Variants in LIMCH1 observed in about 807,000 individuals in gnomAD.
LIMCH1 encodes the protein LIM and calponin homology domains 1.
A neutral mutation model predicts 176.5 loss-of-function variants in LIMCH1; 113 were observed. The ratio of observed to expected loss-of-function variants is 0.64; its 90% CI spans 0.55 to 0.75. The LOEUF (loss-of-function observed/expected upper bound fraction) is 0.75. LIMCH1 is among the 30% of genes least tolerant of loss of function. The pLI is 0.00. For missense variants in LIMCH1, 1,674 were observed against 1,814.9 expected (o/e 0.92, Z 1.41); for synonymous variants, 619 against 645.9 (o/e 0.96, Z 0.63).
chr4:41,438,376 CT>C (rs540920543), intron 1 of LIMCH1, among the ~76,000 whole-genome samples: 144 of 146,624 alleles, frequency 9.8e-4, no homozygotes, highest in Non-Finnish European at 9.1e-4. Context: ...CTTTTCTTTT[CT>C]TTTTTTTTTT....
chr4:41,408,138 G>C lies in LIMCH1; in HGVS notation c.96+47202G>C, dbSNP rs141326079. On this transcript the variant is annotated intron_variant, in intron 1 of 26. Transcript: ENST00000313860. ...TATCAGACAGATTTATTTATGGAAGGCAGCAAAGTGAACAAGGGCAAAGGC... is the reference window on the plus strand; with the variant it reads ...TATCAGACAGATTTATTTATGGAAGCCAGCAAAGTGAACAAGGGCAAAGGC... Among the ~76,000 whole-genome samples, 426 of 152,220 alleles carry C rather than the reference G, an allele frequency of 2.8e-3. 2 individuals carry two copies. Among genetic ancestry groups the C allele is most frequent in the African/African-American group, 9.7e-3 (401 of 41,544 alleles).
chr4:41,599,100 A>G (rs2089459203), intron 2 of LIMCH1, 74 bp downstream of exon 2: 1 of 849,846 alleles, frequency 1.2e-6, no homozygotes, highest in Non-Finnish European at 2.0e-6. Context: ...TGATGTTGTA[A>G]GTTCTAAGAG....
Position 41,629,476 on chromosome 4 carries a change from C to T in LIMCH1, c.1029-16C>T, listed in dbSNP as rs192663945. The T allele has an allele frequency of 4.5e-3, 6,867 of 1,535,242 alleles. 22 individuals carry two copies. Among genetic ancestry groups the T allele is most frequent in the Non-Finnish European group, 5.0e-3 (5,727 of 1,146,474 alleles). On this transcript the variant is annotated splice_polypyrimidine_tract_variant and intron_variant, in intron 8 of 31. Transcript: ENST00000503057. ...TGATTTTTCCATTGGTGTGGGGGCC[C>T]GGATCAAATGGACAGAAACCAGGGC...
intron 2 of LIMCH1, among the ~76,000 whole-genome samples, chr4:41,517,952 A>G (rs1561610069): frequency 1.3e-5 from 2 of 152,218 alleles, no homozygotes; most frequent in East Asian, 3.9e-4. Flanking sequence ...ATAGTTGCCT[A>G]TTGCAGCTGT....
intron 18 of LIMCH1, among the ~76,000 whole-genome samples, chr4:41,659,889 A>T (rs756463254): frequency 1.3e-5 from 2 of 152,124 alleles, no homozygotes; most frequent in Non-Finnish European, 2.9e-5. Context: ...TTCTAGAGTC[A>T]ATTGGCTCCC....
intron 4 of LIMCH1, among the ~76,000 whole-genome samples, chr4:41,606,924 G>A (rs778513296): frequency 3.3e-5 from 5 of 152,092 alleles, no homozygotes; most frequent in African/African-American, 4.8e-5. Context: ...TCAGTCTCCC[G>A]AGTAGCTGGG....
chr4:41,524,596 G>T (rs141345808), intron 3 of LIMCH1: 2 of 771,404 alleles, frequency 2.6e-6, no homozygotes, highest in Non-Finnish European at 4.6e-6. Flanking sequence ...GAATGAGAAC[G>T]CATTGAATCC....
intron 17 of LIMCH1, among the ~76,000 whole-genome samples, chr4:41,650,178 A>G (rs2094229703): frequency 6.6e-6 from 1 of 152,228 alleles, no homozygotes; most frequent in Non-Finnish European, 1.5e-5. Flanking sequence ...GAAGTGGCCC[A>G]AGCAGGCCAA....
At position 41,682,672 on chromosome 4, in the gene LIMCH1, C is replaced by CTTTTTTTTTTTTTTTTTTTTTTTT. The variant is rs1479823691; in HGVS notation, c.3845+214_3845+215insTTTTTTTTTTTTTTTTTTTTTTTT. Among the ~76,000 whole-genome samples, 3 of 139,932 alleles carry CTTTTTTTTTTTTTTTTTTTTTTTT rather than the reference C, an allele frequency of 2.1e-5. 1 individual carries two copies. 91.8% of individuals were successfully genotyped at this position (139,932 alleles called of 152,430 possible). ...TATAAATAGCCTTATTTTTTTTCTT[C>CTTTTTTTTTTTTTTTTTTTTTTTT]TTCTTCTTTTTTTTTTTTTTGCTTG... On this transcript the variant is annotated intron_variant, in intron 26 of 31. Transcript: ENST00000503057.
At chr4:41,390,269 A>AGAGAGAGAGAGAGAGAGAGC (rs760332127) in intron 1 of LIMCH1, among the ~76,000 whole-genome samples, 70 of 150,406 alleles carry the variant, frequency 4.7e-4, no homozygotes, top group African/African-American at 1.6e-3. Context: ...AGAGAGAGAG[A>AGAGAGAGAGAGAGAGAGAGC]GAGAGCGAGA....
At chr4:41,403,205 G>A (rs966032832) in intron 1 of LIMCH1, among the ~76,000 whole-genome samples, 30 of 152,030 alleles carry the variant, frequency 2.0e-4, no homozygotes, top group African/African-American at 7.2e-4. Context: ...ATTTCTCCTG[G>A]GGGTGGTGGG....
At chr4:41,531,476 A>C (rs10009623) in intron 3 of LIMCH1, among the ~76,000 whole-genome samples, 1 of 126,840 alleles carries the variant, frequency 7.9e-6, no homozygotes, top group African/African-American at 3.1e-5. Context: ...TTTCTCTGTC[A>C]CACACACACA....
At chr4:41,435,508 A>G (rs1582124970) in intron 1 of LIMCH1, among the ~76,000 whole-genome samples, 1 of 152,240 alleles carries the variant, frequency 6.6e-6, no homozygotes, top group East Asian at 1.9e-4. Context: ...TAGAGCAGCC[A>G]CAGGAAACTA....
chr4:41,536,038 C>G (rs2077904841), upstream of LIMCH1, among the ~76,000 whole-genome samples: 1 of 152,176 alleles, frequency 6.6e-6, no homozygotes, highest in African/African-American at 2.4e-5. Flanking sequence ...AATAGACCTT[C>G]AATTACAAAC....
At chr4:41,367,627 T>G (rs2154094342) in intron 1 of LIMCH1, among the ~76,000 whole-genome samples, 2 of 146,892 alleles carry the variant, frequency 1.4e-5, no homozygotes, top group African/African-American at 5.1e-5. Flanking sequence ...GATCATGAGG[T>G]TTGGAGATCC....
intron 1 of LIMCH1, among the ~76,000 whole-genome samples, chr4:41,369,971 T>TA (rs1241754263): frequency 6.6e-6 from 1 of 151,736 alleles, no homozygotes; most frequent in African/African-American, 2.4e-5. Flanking sequence ...TTGTAGTGAT[T>TA]AAAAAAAGCA....
intron 1 of LIMCH1, among the ~76,000 whole-genome samples, chr4:41,401,475 A>C (rs539117438): frequency 1.3e-5 from 2 of 152,140 alleles, no homozygotes; most frequent in Non-Finnish European, 2.9e-5. Flanking sequence ...TGATGCCTCC[A>C]GCTTTGTTCT....
Position 41,445,331 on chromosome 4 carries a change from C to A in LIMCH1, c.97-49205C>A, listed in dbSNP as rs565936503. ...CATTCTTTATTAAACGTGTAGGAAG[C>A]CTATTTATATCTCAAACCTCTGATT... On this transcript the variant is annotated intron_variant, in intron 1 of 26. Transcript: ENST00000313860. Among the ~76,000 whole-genome samples the A allele has an allele frequency of 5.3e-5, 8 of 152,220 alleles. No individual in the cohort carries two copies. The East Asian group carries it at 1.2e-3, about 22-fold the overall frequency.
At chr4:41,467,312 C>T (rs1019577856) in intron 1 of LIMCH1, among the ~76,000 whole-genome samples, 5 of 152,068 alleles carry the variant, frequency 3.3e-5, no homozygotes, top group East Asian at 1.9e-4. Context: ...CTCTTTGAGT[C>T]TATTAAATGT....
Sources: gnomAD v4.1 joint callset for allele counts (sites outside exome capture counted in the v4.1 genomes callset) on GRCh38, gnomAD v4.1.1 for gene constraint, MANE v1.5 for transcripts, NCBI Gene and HGNC (gene_info 2026-07-23, HGNC 2026-07-21) for gene names.